Variants in TBXAS1 observed in about 807,000 individuals in gnomAD.
TBXAS1 encodes the protein thromboxane-A synthase.
In TBXAS1, 48 loss-of-function variants were observed where a neutral mutation model predicts 60.7. The observed-to-expected ratio is 0.79, with a 90% CI of 0.63 to 1.01. The LOEUF is 1.01. TBXAS1 is among the 50% of genes least tolerant of loss of function. TBXAS1 has a pLI of 0.00. For synonymous variants in TBXAS1, 287 were observed against 269.7 expected (o/e 1.06, Z -0.63); for missense variants, 685 against 686.3 (o/e 1.00, Z 0.02).
At chr7:139,939,515 T>G (rs989560373) in intron 5 of TBXAS1, among the ~76,000 whole-genome samples, 1 of 151,964 alleles carries the variant, frequency 6.6e-6, no homozygotes. Flanking sequence ...GTTCTTGGGT[T>G]TGCGTTTGAA....
At chr7:139,965,644 A>G (rs1393766650) in intron 9 of TBXAS1, among the ~76,000 whole-genome samples, 1 of 152,148 alleles carries the variant, frequency 6.6e-6, no homozygotes, top group East Asian at 1.9e-4. Context: ...TCCAAGAAAA[A>G]AAATCAGGGT....
At chr7:139,942,348 T>G (rs749560246) in intron 5 of TBXAS1, among the ~76,000 whole-genome samples, 3 of 152,240 alleles carry the variant, frequency 2.0e-5, no homozygotes, top group Non-Finnish European at 2.9e-5. Context: ...TATTCTGGGC[T>G]CAAATAGGTT....
intron 10 of TBXAS1, among the ~76,000 whole-genome samples, chr7:140,008,898 G>A (rs936132236): frequency 6.6e-6 from 1 of 152,242 alleles, no homozygotes. Flanking sequence ...GGGCCCCAGA[G>A]CTGGCTGGTA....
intron 4 of TBXAS1, among the ~76,000 whole-genome samples, chr7:139,911,674 A>G (rs906594033): frequency 6.6e-6 from 1 of 152,222 alleles, no homozygotes; most frequent in Non-Finnish European, 1.5e-5. Flanking sequence ...AATAAATATT[A>G]GTTGGAAAGC....
intron 4 of TBXAS1, among the ~76,000 whole-genome samples, chr7:139,930,279 C>T (rs1170273313): frequency 1.3e-5 from 2 of 152,206 alleles, no homozygotes; most frequent in Admixed American, 1.3e-4. Context: ...CACCTTCTCC[C>T]ACTAGAATGC....
chr7:139,825,650 C>T (rs144992374), upstream of TBXAS1, among the ~76,000 whole-genome samples: 6 of 152,264 alleles, frequency 3.9e-5, no homozygotes, highest in Admixed American at 6.5e-5. Context: ...GTGAGGGGCA[C>T]GTTCTAAATC....
At chr7:139,781,173 A>G (rs986870187) in intron 2 of TBXAS1, among the ~76,000 whole-genome samples, 2 of 152,240 alleles carry the variant, frequency 1.3e-5, no homozygotes, top group African/African-American at 2.4e-5. Context: ...CATGCATTCA[A>G]TTGAGCTAGC....
At chr7:139,898,688 G>T (rs532117586) in intron 3 of TBXAS1, among the ~76,000 whole-genome samples, 5 of 152,206 alleles carry the variant, frequency 3.3e-5, no homozygotes, top group African/African-American at 1.2e-4. Flanking sequence ...GCCCCGTTGG[G>T]GCACTTCCTC....
chr7:139,808,357 C>T (rs1350517912), intron 4 of TBXAS1, among the ~76,000 whole-genome samples: 1 of 151,792 alleles, frequency 6.6e-6, no homozygotes, highest in East Asian at 1.9e-4. Context: ...AAAACAAAAC[C>T]CTCAAGGGCA....
chr7:139,857,058 TG>T (rs1316737311), intron 1 of TBXAS1, among the ~76,000 whole-genome samples: 3 of 152,272 alleles, frequency 2.0e-5, no homozygotes, highest in Non-Finnish European at 4.4e-5. Context: ...AAGTTTACTC[TG>T]GGGACCCCTT....
chr7:139,972,683 G>A (rs902529580), intron 9 of TBXAS1, among the ~76,000 whole-genome samples: 2 of 151,940 alleles, frequency 1.3e-5, no homozygotes, highest in Non-Finnish European at 2.9e-5. Flanking sequence ...TCGTCACTAG[G>A]CTTAAAATTT....
chr7:140,008,334 C>T (rs893140556), intron 10 of TBXAS1, among the ~76,000 whole-genome samples: 1 of 152,112 alleles, frequency 6.6e-6, no homozygotes, highest in African/African-American at 2.4e-5. Flanking sequence ...AGGCCAGTCA[C>T]TCAGGGGCTC....
At chr7:139,847,545 CCAAT>C (rs1163069400) in intron 1 of TBXAS1, among the ~76,000 whole-genome samples, 1 of 152,134 alleles carries the variant, frequency 6.6e-6, no homozygotes, top group Non-Finnish European at 1.5e-5. Flanking sequence ...AACCAACCAA[CCAAT>C]CAACCAACCA....
intron 9 of TBXAS1, among the ~76,000 whole-genome samples, chr7:139,992,999 C>A (rs939979775): frequency 6.6e-6 from 1 of 152,032 alleles, no homozygotes; most frequent in Non-Finnish European, 1.5e-5. Context: ...GGAAAAACCC[C>A]GTCTCTACTA....
At chr7:139,936,821 G>A (rs1807833880) in intron 5 of TBXAS1, among the ~76,000 whole-genome samples, 1 of 152,192 alleles carries the variant, frequency 6.6e-6, no homozygotes, top group Non-Finnish European at 1.5e-5. Flanking sequence ...TACCAATCAA[G>A]TCTTAAATAG....
At chr7:139,904,878 T>C (rs571340196) in intron 3 of TBXAS1, among the ~76,000 whole-genome samples, 8 of 152,190 alleles carry the variant, frequency 5.3e-5, no homozygotes, top group African/African-American at 7.2e-5. Flanking sequence ...AGGTAAACGA[T>C]TGTATTGTCA....
intron 1 of TBXAS1, among the ~76,000 whole-genome samples, chr7:139,856,787 A>G (rs1356252001): frequency 2.6e-5 from 4 of 152,198 alleles, no homozygotes; most frequent in Non-Finnish European, 5.9e-5. Flanking sequence ...CCTCCATACA[A>G]TGGCCAGAAT....
chr7:139,870,399 A>G (rs1272359875), intron 1 of TBXAS1, among the ~76,000 whole-genome samples: 1 of 152,242 alleles, frequency 6.6e-6, no homozygotes, highest in African/African-American at 2.4e-5. Context: ...AATTCAAAAA[A>G]GCTGATGAAG....
At chr7:139,889,258 AG>A (rs943751427) in intron 3 of TBXAS1, among the ~76,000 whole-genome samples, 33 of 151,932 alleles carry the variant, frequency 2.2e-4, no homozygotes, top group African/African-American at 7.7e-4. Context: ...CGCTTGAGCC[AG>A]GAAGGCAGAG....
Sources: allele counts gnomAD v4.1 joint callset (sites outside exome capture counted in the v4.1 genomes callset), GRCh38; gene constraint gnomAD v4.1.1; transcripts MANE v1.5; gene names NCBI Gene and HGNC (gene_info 2026-07-23, HGNC 2026-07-21).